COL18A1: variants seen among roughly 807,000 people sequenced by gnomAD.
The protein encoded by COL18A1 is collagen alpha-1(XVIII) chain.
In COL18A1, 133 loss-of-function variants were observed where a neutral mutation model predicts 168.0. That is an observed-to-expected ratio of 0.79 (90% CI 0.69 to 0.91). The LOEUF is 0.91. Among genes scored for constraint, COL18A1 ranks in the 40% least tolerant of loss-of-function variants. The pLI is 0.00. For missense variants in COL18A1, 2,126 were observed against 1,925.4 expected (o/e 1.10, Z -1.95); for synonymous variants, 949 against 809.0 (o/e 1.17, Z -2.94).
At chr21:45,418,767 A>AGCCCCCTCACGTCACTTCCTG (rs1265496373) in intron 2 of COL18A1, among the ~76,000 whole-genome samples, 1 of 151,592 alleles carries the variant, frequency 6.6e-6, no homozygotes, top group Non-Finnish European at 1.5e-5. Flanking sequence ...GGGGCCTCCA[A>AGCCCCCTCACGTCACTTCCTG]GGCTGTCTCT....
chr21:45,496,089 TATGCCCTCCATGCCCTCC>T (rs201650968), intron 29 of COL18A1: 14 of 260,190 alleles, frequency 5.4e-5, no homozygotes, highest in Non-Finnish European at 8.5e-5. Context: ...CCATGCCCTC[TATGCCCTCCATGCCCTCC>T]ATGCCCTCCA....
chr21:45,470,153 C>T (rs1345786238), intron 3 of COL18A1, among the ~76,000 whole-genome samples: 1 of 152,200 alleles, frequency 6.6e-6, no homozygotes, highest in Non-Finnish European at 1.5e-5. Context: ...GTGAGGGCCT[C>T]CTCATCAGCG....
chr21:45,504,186 G>C lies in COL18A1; in HGVS notation c.2727+132G>C. On this transcript the variant is annotated intron_variant, in intron 33 of 41. Coordinates refer to ENST00000651438, the MANE Select transcript of COL18A1 (RefSeq NM_001379500.1). ...AGCCCTGCGAGGGGCGCTGGCTCCAGAGGGTGTCGAGGGCGTCCCTCAGGA... is the reference window on the plus strand; with the variant it reads ...AGCCCTGCGAGGGGCGCTGGCTCCACAGGGTGTCGAGGGCGTCCCTCAGGA... 7.5e-6 allele frequency: 8 copies of C among 1,065,944 alleles called. No individual in the cohort carries two copies. In the South Asian group the frequency reaches 1.0e-4, roughly 14 times the overall value. The allele number at this position is 1,065,944 out of a possible 1,614,324, so 66.0% of individuals were successfully genotyped here. A position where few individuals can be genotyped will look rare whatever the true frequency, so the allele number is the denominator to read the frequency against.
rs369013739 is a variant in COL18A1, at chr21:45,473,837, C to T, written c.652-58C>T. ...CCGAAATCTGGAGCTCAAGCAGCAC[C>T]GGGGTTGCCACTGCCACCTCAGGAC... On this transcript the variant is annotated intron_variant, in intron 3 of 41. Transcript: ENST00000651438. The surrounding 1 kb of genome is among the most constrained non-coding windows in gnomAD (Gnocchi z 4.0). 57 of 1,394,712 alleles carry T rather than the reference C, an allele frequency of 4.1e-5. No homozygotes were observed. The highest frequency in any genetic ancestry group is 5.0e-5 in the Non-Finnish European group (50 of 1,005,328). 86.4% of individuals were successfully genotyped at this position (1,394,712 alleles called of 1,614,324 possible).
chr21:45,512,499 C>T lies in COL18A1; in HGVS notation c.*101C>T, dbSNP rs546609047. On this transcript the variant is annotated 3_prime_UTR_variant, in exon 42 of 42. Transcript: ENST00000651438. ...GCCAGCCCCTGGCCCCAGGACCTGG[C>T]TGCCATACTTTCCTGTATAGTTCAC... 4.7e-6 allele frequency: 5 copies of T among 1,069,618 alleles called. No homozygotes were observed. The Admixed American group carries it at 8.0e-5, about 17-fold the overall frequency. 66.3% of individuals were successfully genotyped at this position (1,069,618 alleles called of 1,614,324 possible).
At chr21:45,489,783 C>T (rs1055735888) in intron 19 of COL18A1, among the ~76,000 whole-genome samples, 5 of 150,974 alleles carry the variant, frequency 3.3e-5, no homozygotes, top group South Asian at 2.1e-4. Context: ...GTGCAGGCCC[C>T]GTCGGCCCCT....
chr21:45,482,052 A>G (rs367593730), intron 14 of COL18A1, 27 bp downstream of exon 14: 1 of 1,588,440 alleles, frequency 6.3e-7, no homozygotes. Context: ...GTCCAGGGTG[A>G]GTGGGAACCA....
intron 2 of COL18A1, among the ~76,000 whole-genome samples, chr21:45,427,844 C>T (rs2838925): frequency 0.029 from 4,458 of 152,228 alleles, 195 homozygotes; most frequent in African/African-American, 0.094. Context: ...CTCGGGAATG[C>T]GCCGGCAACT....
chr21:45,494,142 G>T, intron 26 of COL18A1: 1 of 380,590 alleles, frequency 2.6e-6, no homozygotes, highest in Non-Finnish European at 5.0e-6. Context: ...TTTGGGGTGG[G>T]CCTCAGACAC....
At position 45,512,724 on chromosome 21, in the gene COL18A1, T is replaced by C. The variant is rs2037684468; in HGVS notation, c.*326T>C. On this transcript the variant is annotated 3_prime_UTR_variant, in exon 42 of 42. Transcript: ENST00000651438. ...ACCACGGCTCGATTTCTCCAGGATT[T>C]CCTGCTTTGGGAAGCCGTGCTCGCC... 2.4e-6 allele frequency: 1 copy of C among 424,444 alleles called. No individual in the cohort carries two copies. 26.3% of individuals were successfully genotyped at this position (424,444 alleles called of 1,614,324 possible).
chr21:45,444,441 T>TG (rs1362877139), intron 2 of COL18A1, among the ~76,000 whole-genome samples: 2 of 152,268 alleles, frequency 1.3e-5, no homozygotes, highest in Admixed American at 1.3e-4. Flanking sequence ...GGCGTAGGGC[T>TG]GGGGTCAGCT....
chr21:45,457,214 G>A lies in COL18A1; in HGVS notation c.107-11028G>A, dbSNP rs537724434. ...CGAGTCACAGAGGGGAAACTGAGGCGTGGGGCAGTGGCGTGACTCACCCCA... is the reference window on the plus strand; with the variant it reads ...CGAGTCACAGAGGGGAAACTGAGGCATGGGGCAGTGGCGTGACTCACCCCA... On this transcript the variant is annotated intron_variant, in intron 2 of 41. Transcript: ENST00000651438. The surrounding 1 kb of genome is among the most constrained non-coding windows in gnomAD (Gnocchi z 4.6). Among the ~76,000 whole-genome samples, 49 of 152,340 alleles carry A rather than the reference G, an allele frequency of 3.2e-4. No homozygotes were observed. The highest frequency in any genetic ancestry group is 3.4e-3 in the Middle Eastern group (1 of 294).
chr21:45,506,027 T>G (rs1638358649), intron 37 of COL18A1, 61 bp downstream of exon 37: 1 of 1,611,084 alleles, frequency 6.2e-7, no homozygotes, highest in Admixed American at 1.7e-5. Context: ...CTCCTGGGGC[T>G]TAAGGAAGGC....
chr21:45,486,761 C>T, intron 15 of COL18A1, 100 bp from the exon 16 acceptor site: 4 of 1,313,090 alleles, frequency 3.0e-6, no homozygotes, highest in Non-Finnish European at 4.2e-6. Context: ...TTTTGATTTG[C>T]AGGGTTTAGA....
chr21:45,490,405 G>A lies in COL18A1; in HGVS notation c.2031+59G>A, dbSNP rs376134160. ...GGGCGTGGAGCCCTGAAGGGACTAT[G>A]CTAAGATGAAAGCTGGCACGAGATG... On this transcript the variant is annotated intron_variant, in intron 20 of 41. Transcript: ENST00000651438. The A allele has an allele frequency of 2.8e-5, 36 of 1,300,016 alleles. No homozygotes were observed. In the African/African-American group the frequency reaches 3.1e-4, roughly 11 times the overall value. The allele number at this position is 1,300,016 out of a possible 1,614,324, so 80.5% of individuals were successfully genotyped here.
chr21:45,435,129 G>A (rs1256134551), intron 2 of COL18A1, among the ~76,000 whole-genome samples: 3 of 151,334 alleles, frequency 2.0e-5, no homozygotes, highest in Admixed American at 2.0e-4. Flanking sequence ...ATGGTGGGGT[G>A]AACCCGCCCT....
intron 2 of COL18A1, chr21:45,456,450 A>G: frequency 6.5e-7 from 1 of 1,544,318 alleles, no homozygotes; most frequent in Non-Finnish European, 8.8e-7. Flanking sequence ...TGGGTCTCCC[A>G]CGTGGCTAAC....
chr21:45,470,425 C>CTTTTTTTTTTTT, intron 3 of COL18A1, among the ~76,000 whole-genome samples: 1 of 37,114 alleles, frequency 2.7e-5, no homozygotes, highest in Non-Finnish European at 5.1e-5. Flanking sequence ...TTTACCTTGT[C>CTTTTTTTTTTTT]TTTTTTTTTT....
chr21:45,511,214 G>T lies in COL18A1; in HGVS notation c.3797G>T (p.Arg1266Met). Reference sequence around the variant, plus strand: ...TCCTTTGACGGCAAGGACGTCCTGAGGCACCCCACCTGGTAGGTTCCCAGT... The same window carrying T: ...TCCTTTGACGGCAAGGACGTCCTGATGCACCCCACCTGGTAGGTTCCCAGT... ...IFSFDGKDVL[R>M]HPTWPQKSVW... The change falls in exon 41 of 42, where the codon AGG becomes ATG. Residue 1266 changes from arginine (R) to methionine (M), a missense_variant. Transcript: ENST00000651438. 1 of 1,579,432 alleles carries T rather than the reference G, an allele frequency of 6.3e-7. No individual in the cohort carries two copies. Among genetic ancestry groups the T allele is most frequent in the Non-Finnish European group, 8.6e-7 (1 of 1,159,016 alleles).
Sources: gnomAD v4.1 joint callset for allele counts (sites outside exome capture counted in the v4.1 genomes callset) on GRCh38, gnomAD v4.1.1 for gene constraint, Gnocchi (gnomAD v3.1) non-coding constraint, MANE v1.5 for transcripts, NCBI Gene and HGNC (gene_info 2026-07-23, HGNC 2026-07-21) for gene names.